TMC1: variants seen among roughly 807,000 people sequenced by gnomAD.
TMC1 encodes the protein transmembrane channel like 1, also known as transmembrane channel-like protein 1.
A neutral mutation model predicts 105.8 loss-of-function variants in TMC1; 84 were observed. The observed-to-expected ratio is 0.79, with a 90% confidence interval of 0.67 to 0.95. The LOEUF (loss-of-function observed/expected upper bound fraction) is 0.95. Ranked by LOEUF, TMC1 falls within the 40% of genes least tolerant of loss-of-function variation. TMC1 has a pLI of 0.00. For missense variants in TMC1, 817 were observed against 914.1 expected, an observed-to-expected ratio of 0.89 and a Z score of 1.37; for synonymous variants, 315 against 311.5, an observed-to-expected ratio of 1.01 and a Z score of -0.12.
chr9:72,733,313 C>T (rs750091151), intron 8 of TMC1, among the ~76,000 whole-genome samples: 1 of 151,828 alleles, frequency 6.6e-6, no homozygotes, highest in Non-Finnish European at 1.5e-5. Context: ...TCCTCCCAGG[C>T]GGTGTCATAA....
chr9:72,734,875 G>A (rs1029615683), intron 8 of TMC1, among the ~76,000 whole-genome samples: 2 of 152,106 alleles, frequency 1.3e-5, no homozygotes, highest in African/African-American at 4.8e-5. Context: ...ACCCAAAAGG[G>A]GAACATGTTT....
At chr9:72,738,369 G>T (rs1390304322) in intron 8 of TMC1, among the ~76,000 whole-genome samples, 8 of 152,014 alleles carry the variant, frequency 5.3e-5, no homozygotes, top group Admixed American at 5.2e-4. Flanking sequence ...TCTGAGTTTG[G>T]CACTGATACT....
At position 72,829,788 on chromosome 9, in the gene TMC1, G is replaced by A. The variant is rs117750250; in HGVS notation, c.2130-663G>A. On this transcript the variant is annotated intron_variant, in intron 21 of 23. Coordinates refer to ENST00000297784, the MANE Select transcript of TMC1 (RefSeq NM_138691.3). ...GCATTTCTTCTTTGTTTGTTTGTTC[G>A]TTTTGCCTTAAGTGAAGATAAGCAT... 4.9e-4 allele frequency among the ~76,000 whole-genome samples: 74 copies of A among 152,198 alleles called. 1 individual carries two copies. The East Asian group carries it at 0.011, about 23-fold the overall frequency.
intron 5 of TMC1, among the ~76,000 whole-genome samples, chr9:72,683,733 TTA>T (rs58007608): frequency 0.014 from 728 of 53,334 alleles, 10 homozygotes; most frequent in Admixed American, 0.017. Context: ...GTTACACATT[TTA>T]TATATATATA....
intron 4 of TMC1, 30 bp downstream of exon 4, chr9:72,628,093 C>T (rs868226645): frequency 8.8e-6 from 4 of 455,522 alleles, no homozygotes; most frequent in Middle Eastern, 7.3e-4. Context: ...ATATTGAGCA[C>T]GTTTTGGTGC....
intron 5 of TMC1, among the ~76,000 whole-genome samples, chr9:72,682,344 T>A (rs982441079): frequency 5.9e-5 from 9 of 152,228 alleles, no homozygotes; most frequent in Admixed American, 5.9e-4. Flanking sequence ...GATATTTAAG[T>A]GTAATGATCT....
intron 8 of TMC1, among the ~76,000 whole-genome samples, chr9:72,711,547 G>A (rs1444508314): frequency 6.6e-6 from 1 of 152,054 alleles, no homozygotes; most frequent in African/African-American, 2.4e-5. Context: ...TCATATGTTG[G>A]TTGGCTGAAT....
chr9:72,723,982 A>G (rs1326728411), intron 8 of TMC1, among the ~76,000 whole-genome samples: 1 of 152,216 alleles, frequency 6.6e-6, no homozygotes, highest in East Asian at 1.9e-4. Context: ...TCTCAAGCAC[A>G]TGGCCTAGTT....
intron 12 of TMC1, among the ~76,000 whole-genome samples, chr9:72,761,576 C>T (rs72733062): frequency 0.091 from 13,830 of 152,142 alleles, 799 homozygotes; most frequent in Non-Finnish European, 0.14. Flanking sequence ...TAAGTAGGTA[C>T]ATACATTAAA....
At chr9:72,709,010 C>T (rs80289882) in intron 8 of TMC1, among the ~76,000 whole-genome samples, 5 of 142,530 alleles carry the variant, frequency 3.5e-5, no homozygotes, top group Admixed American at 1.4e-4. Flanking sequence ...ATTTTTTTTT[C>T]GGGGGGGTGG....
At chr9:72,568,485 G>A (rs920953368) in intron 1 of TMC1, among the ~76,000 whole-genome samples, 1 of 152,130 alleles carries the variant, frequency 6.6e-6, no homozygotes, top group Non-Finnish European at 1.5e-5. Context: ...AACTCTTTAT[G>A]GGGACTTGCT....
chr9:72,563,332 A>G (rs1184355042), intron 1 of TMC1, among the ~76,000 whole-genome samples: 1 of 152,174 alleles, frequency 6.6e-6, no homozygotes, highest in Non-Finnish European at 1.5e-5. Context: ...ACATTTCACT[A>G]TGGTAATTTG....
At chr9:72,681,571 G>A (rs912458823) in intron 5 of TMC1, among the ~76,000 whole-genome samples, 1 of 152,088 alleles carries the variant, frequency 6.6e-6, no homozygotes, top group East Asian at 1.9e-4. Context: ...CAGCTCAGGG[G>A]TGGTAGAATT....
At chr9:72,569,206 C>T (rs1353751426) in intron 1 of TMC1, among the ~76,000 whole-genome samples, 2 of 151,930 alleles carry the variant, frequency 1.3e-5, no homozygotes, top group East Asian at 1.9e-4. Flanking sequence ...ATACCTAATA[C>T]AATGTAAATG....
At chr9:72,671,334 C>G (rs1200691652) in intron 5 of TMC1, among the ~76,000 whole-genome samples, 3 of 152,208 alleles carry the variant, frequency 2.0e-5, no homozygotes, top group African/African-American at 7.2e-5. Context: ...GACTTATGAT[C>G]TGCTTCAGAG....
intron 18 of TMC1, among the ~76,000 whole-genome samples, chr9:72,805,940 ACTT>A (rs1353667744): frequency 6.6e-6 from 1 of 152,026 alleles, no homozygotes; most frequent in Non-Finnish European, 1.5e-5. Context: ...TCCCATGTCT[ACTT>A]CTTTCTACAC....
intron 12 of TMC1, among the ~76,000 whole-genome samples, chr9:72,765,660 A>G (rs1827818565): frequency 1.3e-5 from 2 of 152,120 alleles, no homozygotes; most frequent in African/African-American, 4.8e-5. Flanking sequence ...AAAAAAATTC[A>G]AAAAAGAGCC....
At chr9:72,556,992 A>G (rs1025830276) in intron 1 of TMC1, among the ~76,000 whole-genome samples, 4 of 152,324 alleles carry the variant, frequency 2.6e-5, no homozygotes, top group Admixed American at 6.5e-5. Flanking sequence ...GCTGCTGAAC[A>G]TCCTGCAGTG....
rs182865955 is a variant in TMC1, at chr9:72,787,921, A to G, written c.885-418A>G. On this transcript the variant is annotated intron_variant, in intron 13 of 23. Coordinates refer to ENST00000297784, the MANE Select transcript of TMC1 (RefSeq NM_138691.3). ...GAGGCTTCAGATGGTCTGGGAACCA[A>G]CTAAAGTTGTGTGGAGCAATGTAAA... Among the ~76,000 whole-genome samples, 114 of 152,294 alleles carry G rather than the reference A, an allele frequency of 7.5e-4. 1 individual carries two copies. Among genetic ancestry groups the G allele is most frequent in the East Asian group, 6.4e-3 (33 of 5,178 alleles).
Sources: allele counts gnomAD v4.1 joint callset (sites outside exome capture counted in the v4.1 genomes callset), GRCh38; gene constraint gnomAD v4.1.1; transcripts MANE v1.5; gene names NCBI Gene and HGNC (gene_info 2026-07-23, HGNC 2026-07-21).